The following MYCBP2 variants were observed in gnomAD, a reference collection of about 807,000 sequenced individuals.
MYCBP2 encodes E3 ubiquitin-protein ligase MYCBP2.
A neutral mutation model predicts 525.3 loss-of-function variants in MYCBP2; 120 were observed. That is an observed-to-expected ratio of 0.23 (90% CI 0.20 to 0.27). The LOEUF (loss-of-function observed/expected upper bound fraction) is 0.27, where lower values mean the gene tolerates loss of function less well. MYCBP2 is among the 10% of genes least tolerant of loss of function. The pLI is 1.00. For synonymous variants in MYCBP2, 1,894 were observed against 1,955.8 expected (o/e 0.97, Z 0.83); for missense variants, 4,149 against 5,657.1 (o/e 0.73, Z 8.55).
At chr13:77,281,510 C>CG (rs1289352013) in intron 3 of MYCBP2, among the ~76,000 whole-genome samples, 1 of 152,124 alleles carries the variant, frequency 6.6e-6, no homozygotes, top group Non-Finnish European at 1.5e-5. Context: ...CACATGCTTT[C>CG]GCACTTCTCT....
chr13:77,280,987 A>G (rs148660398), intron 3 of MYCBP2, among the ~76,000 whole-genome samples: 2 of 152,370 alleles, frequency 1.3e-5, no homozygotes, highest in African/African-American at 4.8e-5. Context: ...AGAATTTTTA[A>G]TATTTAGCTA....
intron 54 of MYCBP2, among the ~76,000 whole-genome samples, chr13:77,122,182 C>T (rs1192785201): frequency 6.6e-6 from 1 of 151,920 alleles, no homozygotes; most frequent in Non-Finnish European, 1.5e-5. Flanking sequence ...CCCCTATGAA[C>T]AATCAACTGG....
chr13:77,171,912 C>T (rs2059177413), intron 37 of MYCBP2, among the ~76,000 whole-genome samples: 1 of 152,024 alleles, frequency 6.6e-6, no homozygotes, highest in Non-Finnish European at 1.5e-5. Flanking sequence ...AAATTATTTA[C>T]TTATTTGAGA....
chr13:77,144,092 T>C (rs2055130319), intron 49 of MYCBP2: 1 of 257,256 alleles, frequency 3.9e-6, no homozygotes, highest in African/African-American at 2.2e-5. Context: ...TGAGCTACAC[T>C]GGAAGATCCA....
Position 77,230,856 on chromosome 13 carries a change from G to T in MYCBP2, c.2737+2300C>A, listed in dbSNP as rs138554155. On this transcript the variant is annotated intron_variant, in intron 18 of 82. Coordinates refer to ENST00000544440, the MANE Select transcript of MYCBP2 (RefSeq NM_015057.5). ...ACTGCAACCTGTCACAGGAGGTCAG[G>T]TGTGGAATTTCCCACTTGGGGGCTT... 1.0e-3 allele frequency among the ~76,000 whole-genome samples: 157 copies of T among 152,350 alleles called. 1 individual carries two copies. The highest frequency in any genetic ancestry group is 3.4e-3 in the Middle Eastern group (1 of 294).
In MYCBP2 at chr13:77,077,212, C is replaced by T. The variant is rs1030388178; in HGVS notation, c.11660G>A (p.Ser3887Asn). The change falls in exon 67 of 83, where the codon AGT becomes AAT. Residue 3887 changes from serine to asparagine, a missense_variant. Ser to Asn is a conservative substitution (Grantham distance 46). Transcript: ENST00000544440. ...STKIAGQISA[S>N]VAQQRNCEAE... ...TTCACAGTTCCTCTGCTGGGCCACACTGGCTGAAATCTGGCCAGCTATTTT... is the reference window on the plus strand; with the variant it reads ...TTCACAGTTCCTCTGCTGGGCCACATTGGCTGAAATCTGGCCAGCTATTTT... 6.2e-7 allele frequency: 1 copy of T among 1,614,084 alleles called. No individual in the cohort carries two copies. Among genetic ancestry groups the T allele is most frequent in the Non-Finnish European group, 8.5e-7 (1 of 1,179,978 alleles).
intron 52 of MYCBP2, among the ~76,000 whole-genome samples, chr13:77,130,639 G>A (rs1425455939): frequency 6.6e-6 from 1 of 152,042 alleles, no homozygotes; most frequent in Non-Finnish European, 1.5e-5. Flanking sequence ...ATATTGCAGA[G>A]CATTTTGAAG....
At chr13:77,235,338 G>A (rs2067751406) in intron 17 of MYCBP2, among the ~76,000 whole-genome samples, 1 of 151,948 alleles carries the variant, frequency 6.6e-6, no homozygotes, top group Non-Finnish European at 1.5e-5. Context: ...AGTTTAACAA[G>A]AGAAAAGGAA....
At chr13:77,284,686 T>C (rs2076552843) in intron 3 of MYCBP2, among the ~76,000 whole-genome samples, 1 of 152,178 alleles carries the variant, frequency 6.6e-6, no homozygotes, top group Non-Finnish European at 1.5e-5. Flanking sequence ...TAACTCAAAT[T>C]CATTTGCACC....
At chr13:77,160,584 GTTA>G (rs1304273241) in intron 44 of MYCBP2, among the ~76,000 whole-genome samples, 2 of 152,146 alleles carry the variant, frequency 1.3e-5, no homozygotes, top group Non-Finnish European at 2.9e-5. Context: ...TTGAACTTCA[GTTA>G]TTATAATTGT....
At chr13:77,238,795 G>A (rs186245928) in intron 17 of MYCBP2, among the ~76,000 whole-genome samples, 4 of 152,254 alleles carry the variant, frequency 2.6e-5, no homozygotes, top group East Asian at 1.9e-4. Flanking sequence ...ACTAAATTAC[G>A]TCAATAGGCC....
intron 15 of MYCBP2, among the ~76,000 whole-genome samples, chr13:77,250,140 G>A (rs970741327): frequency 2.0e-5 from 3 of 150,896 alleles, no homozygotes; most frequent in South Asian, 4.2e-4. Flanking sequence ...GGAGAATGGC[G>A]TGAACCCGGG....
chr13:77,116,425 T>A (rs959181827), intron 55 of MYCBP2, among the ~76,000 whole-genome samples: 5 of 151,974 alleles, frequency 3.3e-5, no homozygotes, highest in African/African-American at 9.7e-5. Flanking sequence ...ACATTTACCT[T>A]TCCCAACACG....
Position 77,098,396 on chromosome 13 carries a change from A to T in MYCBP2, c.8758T>A (p.Ser2920Thr). The change falls in exon 56 of 83, where the codon TCT becomes ACT. Residue 2920 changes from serine (S) to threonine (T), a missense_variant. Physicochemically the swap from Ser to Thr is moderately conservative, Grantham distance 58. Transcript: ENST00000544440. The part of the protein sequence containing the change: ...DSPGSENRAP[S>T]PHVVQENLHS... ...AGGTTTTCCTGTACCACATGGGGAG[A>T]GGGAGCTCTATTTTCAGATCCAGGG... 5 of 1,613,472 alleles carry T rather than the reference A, an allele frequency of 3.1e-6. No homozygotes were observed. The South Asian group carries it at 4.4e-5, about 14-fold the overall frequency.
chr13:77,298,460 T>A (rs921654613), intron 1 of MYCBP2, among the ~76,000 whole-genome samples: 1 of 152,220 alleles, frequency 6.6e-6, no homozygotes, highest in Non-Finnish European at 1.5e-5. Flanking sequence ...GCAGGGGCCC[T>A]GTCTTTCTTG....
At chr13:77,056,632 TACAAACACCAG>T in intron 79 of MYCBP2, among the ~76,000 whole-genome samples, 1 of 152,316 alleles carries the variant, frequency 6.6e-6, no homozygotes, top group African/African-American at 2.4e-5. Context: ...TATCAGTTTC[TACAAACACCAG>T]AGGATCATTC....
At chr13:77,164,010 T>C (rs2058248202) in intron 43 of MYCBP2, among the ~76,000 whole-genome samples, 1 of 152,224 alleles carries the variant, frequency 6.6e-6, no homozygotes, top group Admixed American at 6.5e-5. Context: ...ATCTACTTGC[T>C]GTAGAATATC....
intron 2 of MYCBP2, among the ~76,000 whole-genome samples, chr13:77,288,602 A>T (rs80048581): frequency 0.041 from 6,193 of 152,286 alleles, 171 homozygotes; most frequent in Non-Finnish European, 0.062. Flanking sequence ...AGGGCTGGAA[A>T]AGGATGGGCA....
At chr13:77,194,480 A>G (rs777522096) in intron 26 of MYCBP2, among the ~76,000 whole-genome samples, 1 of 152,172 alleles carries the variant, frequency 6.6e-6, no homozygotes, top group Non-Finnish European at 1.5e-5. Flanking sequence ...ATATTCATCT[A>G]TTTACATCAA....
Sources: allele counts gnomAD v4.1 joint callset (sites outside exome capture counted in the v4.1 genomes callset), GRCh38; gene constraint gnomAD v4.1.1; transcripts MANE v1.5; gene names NCBI Gene and HGNC (gene_info 2026-07-23, HGNC 2026-07-21).